The following PCYT1A variants were observed in gnomAD, a reference collection of about 807,000 sequenced individuals.
The protein encoded by PCYT1A is choline-phosphate cytidylyltransferase A.
A neutral mutation model predicts 43.7 loss-of-function variants in PCYT1A; 25 were observed. The ratio of observed to expected loss-of-function variants is 0.57; its 90% CI spans 0.42 to 0.80. The LOEUF (loss-of-function observed/expected upper bound fraction) is 0.80. Among genes scored for constraint, PCYT1A ranks in the 30% least tolerant of loss-of-function variants. The pLI is 0.00. For missense variants in PCYT1A, 421 were observed against 474.2 expected, an observed-to-expected ratio of 0.89 and a Z score of 1.04; for synonymous variants, 172 against 170.7, an observed-to-expected ratio of 1.01 and a Z score of -0.06.
intron 1 of PCYT1A, 64 bp from the exon 2 acceptor site, chr3:196,270,605 T>C (rs1393541538): frequency 1.9e-6 from 2 of 1,029,732 alleles, no homozygotes; most frequent in Non-Finnish European, 3.1e-6. Flanking sequence ...GTCACCAGTA[T>C]TTCAGAGACG....
rs772549966 is a variant in PCYT1A at position 196,248,183 on chromosome 3, T to C, written c.334+24A>G. Reference sequence around the variant, plus strand: ...CTATCATCTTTTTCTGCACAGCACCTGAAGTCACCAAATGTTTTCTTACCT... The same window carrying C: ...CTATCATCTTTTTCTGCACAGCACCCGAAGTCACCAAATGTTTTCTTACCT... On this transcript the variant is annotated intron_variant, in intron 4 of 8. Coordinates refer to ENST00000431016, the MANE Select transcript of PCYT1A (RefSeq NM_001312673.2). The C allele has an allele frequency of 7.9e-6, 10 of 1,271,372 alleles. No homozygotes were observed. In the South Asian group the frequency reaches 1.1e-4, roughly 14 times the overall value. The allele number at this position is 1,271,372 out of a possible 1,614,324, so 78.8% of individuals were successfully genotyped here. A position where few individuals can be genotyped will look rare whatever the true frequency, so the allele number is the denominator to read the frequency against.
intron 2 of PCYT1A, among the ~76,000 whole-genome samples, chr3:196,269,523 A>C (rs1725371504): frequency 6.6e-6 from 1 of 152,048 alleles, no homozygotes; most frequent in Admixed American, 6.6e-5. Context: ...TTATTATGGA[A>C]AGTTTTAGGA....
rs1560159716 is a variant in PCYT1A, at chr3:196,238,813, C to CGCGAGTAGG, written c.970_978dup (p.Pro324_Arg326dup). The CGCGAGTAGG allele has an allele frequency of 7.6e-6, 12 of 1,575,680 alleles. No homozygotes were observed. Among genetic ancestry groups the CGCGAGTAGG allele is most frequent in the Non-Finnish European group, 9.5e-6 (11 of 1,161,972 alleles). ...CGGAAAGAGGGGGAGGGGGAGCGCT[C>CGCGAGTAGG]GCGAGTAGGGCTGCTGCTGGGGCTC... On this transcript the variant is annotated inframe_insertion, in exon 9 of 9. Transcript: ENST00000431016.
rs1725488994 is a variant in PCYT1A, at chr3:196,273,188, A to G, written c.-10-2647T>C. Among the ~76,000 whole-genome samples the G allele has an allele frequency of 6.6e-6, 1 of 152,196 alleles. No homozygotes were observed. The highest frequency in any genetic ancestry group is 1.5e-5 in the Non-Finnish European group (1 of 68,022). The stretch of plus-strand genomic sequence containing the variant: ...AACATGGTGCTGCCCAGAAGCTTGG[A>G]GAGGCCAGGAACCACAGAGCTCCAA... On this transcript the variant is annotated intron_variant, in intron 1 of 8. Coordinates refer to ENST00000431016, the MANE Select transcript of PCYT1A (RefSeq NM_001312673.2). This position sits in a 1 kb window ranked among gnomAD's most constrained non-coding sequence, Gnocchi z 4.1.
chr3:196,257,280 T>C (rs1376875697), intron 3 of PCYT1A, among the ~76,000 whole-genome samples: 1 of 152,204 alleles, frequency 6.6e-6, no homozygotes, highest in African/African-American at 2.4e-5. Flanking sequence ...GCAAGGGCTT[T>C]GAAAATAAAG....
chr3:196,271,649 G>C (rs1725437880), intron 1 of PCYT1A, among the ~76,000 whole-genome samples: 2 of 131,480 alleles, frequency 1.5e-5, no homozygotes, highest in South Asian at 2.7e-4. Flanking sequence ...ACCCTGGCTA[G>C]AGTGCAGTGG....
intron 2 of PCYT1A, among the ~76,000 whole-genome samples, chr3:196,269,806 C>T (rs907320964): frequency 6.6e-6 from 1 of 152,090 alleles, no homozygotes; most frequent in African/African-American, 2.4e-5. Flanking sequence ...TGAGATGATA[C>T]GAAGATCAAA....
intron 2 of PCYT1A, among the ~76,000 whole-genome samples, chr3:196,265,301 C>T (rs1725234566): frequency 6.6e-6 from 1 of 151,946 alleles, no homozygotes; most frequent in Non-Finnish European, 1.5e-5. Context: ...CTCCTGACCT[C>T]GTGATCTGCC....
At chr3:196,278,006 G>A (rs1417276812) in intron 1 of PCYT1A, among the ~76,000 whole-genome samples, 3 of 152,030 alleles carry the variant, frequency 2.0e-5, no homozygotes, top group African/African-American at 7.3e-5. Context: ...AAAGCATACA[G>A]AATAATAACT....
chr3:196,286,771 G>A (rs1168754010), intron 1 of PCYT1A, among the ~76,000 whole-genome samples: 1 of 152,124 alleles, frequency 6.6e-6, no homozygotes, highest in Non-Finnish European at 1.5e-5. Context: ...AAAATTAGCC[G>A]GGCGTGGTGG....
intron 1 of PCYT1A, among the ~76,000 whole-genome samples, chr3:196,283,104 G>A (rs1261580412): frequency 2.0e-5 from 3 of 152,214 alleles, no homozygotes; most frequent in Non-Finnish European, 2.9e-5. Context: ...TTGGGAGGCC[G>A]AGGCGGATGG....
At chr3:196,251,169 C>G (rs1206088025) in intron 3 of PCYT1A, among the ~76,000 whole-genome samples, 158 of 73,658 alleles carry the variant, frequency 2.1e-3, no homozygotes, top group Middle Eastern at 0.02. Context: ...CTGAGGATCA[C>G]ATACACCATG....
At chr3:196,279,550 G>C (rs778831617) in intron 1 of PCYT1A, among the ~76,000 whole-genome samples, 7 of 152,128 alleles carry the variant, frequency 4.6e-5, no homozygotes, top group African/African-American at 9.7e-5. Flanking sequence ...ACCTGGTTTG[G>C]TTTCTGCTGA....
rs1198015884 is a variant in PCYT1A, at chr3:196,247,391, T to C, written c.462A>G (p.Thr154=). 2 of 1,614,122 alleles carry C rather than the reference T, an allele frequency of 1.2e-6. No homozygotes were observed. The highest frequency in any genetic ancestry group is 4.5e-5 in the East Asian group (2 of 44,890). ...EVVRNAPWTL[T]PEFLAEHRID... ...CCCGGTGTTCGGCCAGGAACTCGGG[T>C]GTCAGCGTCCAGGGCGCATTCCTCA... The change falls in exon 5 of 9, where the codon ACA becomes ACG. Residue 154 remains threonine (T), a synonymous_variant. Transcript: ENST00000431016. This position sits in a 1 kb window ranked among gnomAD's most constrained non-coding sequence, Gnocchi z 4.8.
chr3:196,281,864 ATTTTTT>A (rs1196058054), intron 1 of PCYT1A, among the ~76,000 whole-genome samples: 1 of 152,082 alleles, frequency 6.6e-6, no homozygotes, highest in African/African-American at 2.4e-5. Context: ...CACCCAGCTA[ATTTTTT>A]GTAGAGATGG....
intron 3 of PCYT1A, 43 bp from the exon 4 acceptor site, chr3:196,248,366 T>G (rs1325426482): frequency 1.7e-6 from 2 of 1,202,538 alleles, no homozygotes; most frequent in Non-Finnish European, 2.5e-6. Context: ...TACCTTTTTT[T>G]TTGTCATTTT....
At chr3:196,249,967 T>G (rs1724697077) in intron 3 of PCYT1A, among the ~76,000 whole-genome samples, 1 of 150,672 alleles carries the variant, frequency 6.6e-6, no homozygotes, top group Non-Finnish European at 1.5e-5. Flanking sequence ...ATGCTGAGGT[T>G]GAGTACCACA....
chr3:196,252,898 TA>T lies in PCYT1A; in HGVS notation c.218-4576del, dbSNP rs1384369091. On this transcript the variant is annotated intron_variant, in intron 3 of 8. Transcript: ENST00000431016. The surrounding 1 kb of genome is among the most constrained non-coding windows in gnomAD (Gnocchi z 4.0). ...TTTTTTACTGCCAGCATGTGTCAAC[TA>T]AAAAAAAAGAAGAAAAAAATATTTT... Among the ~76,000 whole-genome samples, 2 of 141,870 alleles carry T rather than the reference TA, an allele frequency of 1.4e-5. No homozygotes were observed. Among genetic ancestry groups the T allele is most frequent in the African/African-American group, 5.0e-5 (2 of 40,392 alleles). 93.1% of individuals were successfully genotyped at this position (141,870 alleles called of 152,430 possible).
chr3:196,271,325 T>C (rs1725425260), intron 1 of PCYT1A, among the ~76,000 whole-genome samples: 1 of 152,232 alleles, frequency 6.6e-6, no homozygotes, highest in Non-Finnish European at 1.5e-5. Flanking sequence ...AGTGAATTTC[T>C]TAACTCTAAA....
Sources: gnomAD v4.1 joint callset for allele counts (sites outside exome capture counted in the v4.1 genomes callset) on GRCh38, gnomAD v4.1.1 for gene constraint, Gnocchi (gnomAD v3.1) non-coding constraint, MANE v1.5 for transcripts, NCBI Gene and HGNC (gene_info 2026-07-23, HGNC 2026-07-21) for gene names.